The following KRT8 variants were observed in gnomAD, a reference collection of about 807,000 sequenced individuals.
KRT8 encodes keratin, type II cytoskeletal 8.
In KRT8, 24 loss-of-function variants were observed where a neutral mutation model predicts 43.0. The observed-to-expected ratio is 0.56, with a 90% CI of 0.40 to 0.78. The LOEUF (loss-of-function observed/expected upper bound fraction) is 0.78. Ranked by LOEUF, KRT8 falls within the 30% of genes least tolerant of loss-of-function variation. KRT8 has a pLI of 0.00. For missense variants in KRT8, 492 were observed against 638.4 expected, an observed-to-expected ratio of 0.77 and a Z score of 2.47; for synonymous variants, 214 against 261.2, an observed-to-expected ratio of 0.82 and a Z score of 1.74.
At chr12:52,913,801 A>T (rs1941681442) in intron 2 of KRT8, among the ~76,000 whole-genome samples, 1 of 152,218 alleles carries the variant, frequency 6.6e-6, no homozygotes, top group South Asian at 2.1e-4. Flanking sequence ...CGAACGTCAC[A>T]CACATACCTG....
At chr12:52,942,661 T>G (rs1321056291) in intron 2 of KRT8, among the ~76,000 whole-genome samples, 1 of 152,166 alleles carries the variant, frequency 6.6e-6, no homozygotes, top group Non-Finnish European at 1.5e-5. Flanking sequence ...AAGGCTTCTT[T>G]GTCCCTGAGC....
intron 2 of KRT8, among the ~76,000 whole-genome samples, chr12:52,937,847 A>C (rs953916992): frequency 3.3e-5 from 5 of 150,980 alleles, no homozygotes; most frequent in African/African-American, 1.2e-4. Context: ...AAATACAAAA[A>C]AATGTAGCCT....
intron 2 of KRT8, chr12:52,926,332 G>GGCCCCCCCCCCCC: frequency 5.0e-6 from 3 of 600,260 alleles, no homozygotes; most frequent in Non-Finnish European, 9.1e-6. Context: ...GGCACTAGCT[G>GGCCCCCCCCCCCC]CCCTCCCCAC....
upstream of KRT8, chr12:52,906,991 TACAC>T (rs112479898): frequency 7.1e-4 from 207 of 291,768 alleles, no homozygotes; most frequent in Middle Eastern, 1.2e-3. Flanking sequence ...CACGCGTGCA[TACAC>T]ACACACACAC....
chr12:52,925,525 C>T (rs1433546369), intron 2 of KRT8, among the ~76,000 whole-genome samples: 1 of 152,112 alleles, frequency 6.6e-6, no homozygotes, highest in Non-Finnish European at 1.5e-5. Flanking sequence ...CTGGCCTTGC[C>T]CCATTGATAC....
chr12:52,910,509 C>T (rs1941613686), upstream of KRT8, among the ~76,000 whole-genome samples: 2 of 152,210 alleles, frequency 1.3e-5, no homozygotes, highest in South Asian at 4.1e-4. Flanking sequence ...CCACCGTTGG[C>T]CAGGGCCACA....
Position 52,900,692 on chromosome 12 carries a change from T to G in KRT8, c.595-9A>C, listed in dbSNP as rs188573340. ...TAAGCTTCATCCACATCCTGGGGGA[T>G]GAGGAGAGGGGAGCCTGAGCTGGGT... is the stretch of plus-strand genomic sequence containing the variant. On this transcript the variant is annotated splice_polypyrimidine_tract_variant and intron_variant, in intron 3 of 7. Coordinates refer to ENST00000692008, the Ensembl canonical transcript of KRT8. 1,495 of 1,601,958 alleles carry G rather than the reference T, an allele frequency of 9.3e-4. 1 individual carries two copies. Among genetic ancestry groups the G allele is most frequent in the Non-Finnish European group, 6.1e-4 (711 of 1,171,044 alleles).
intron 2 of KRT8, among the ~76,000 whole-genome samples, chr12:52,912,441 T>C (rs1237430338): frequency 6.6e-6 from 1 of 152,192 alleles, no homozygotes; most frequent in African/African-American, 2.4e-5. Context: ...CCCACAACTC[T>C]TGGGGTTGGA....
chr12:52,898,788 G>C (rs1297924535), exon 6 of KRT8: 1 of 1,614,246 alleles, frequency 6.2e-7, no homozygotes, highest in Non-Finnish European at 8.5e-7. Flanking sequence ...GCCATGTCCT[G>C]CTTGGCCCGC....
chr12:52,946,879 G>A (rs1942352613), intron 2 of KRT8: 1 of 152,234 alleles, frequency 6.6e-6, no homozygotes, highest in Non-Finnish European at 1.5e-5. Context: ...AGCACTGTGG[G>A]GCTCTCCCCA....
chr12:52,942,655 C>T (rs964326484), intron 2 of KRT8, among the ~76,000 whole-genome samples: 2 of 152,134 alleles, frequency 1.3e-5, no homozygotes, highest in Non-Finnish European at 2.9e-5. Flanking sequence ...TGTTTTAAGG[C>T]TTCTTTGTCC....
At chr12:52,944,824 G>A (rs966937196) in intron 2 of KRT8, among the ~76,000 whole-genome samples, 15 of 152,114 alleles carry the variant, frequency 9.9e-5, no homozygotes, top group African/African-American at 2.4e-4. Context: ...CTGAGAACCC[G>A]TTCCCACCTC....
chr12:52,932,051 C>T (rs1942093428), intron 2 of KRT8, among the ~76,000 whole-genome samples: 1 of 151,690 alleles, frequency 6.6e-6, no homozygotes. Flanking sequence ...CCCGCCTCTG[C>T]TTCCCAAATT....
intron 2 of KRT8, among the ~76,000 whole-genome samples, chr12:52,939,738 A>G (rs1242378386): frequency 1.3e-5 from 2 of 152,026 alleles, no homozygotes; most frequent in African/African-American, 4.8e-5. Flanking sequence ...AAAAAAAAGA[A>G]AAAAAGGAAG....
upstream of KRT8, chr12:52,905,118 G>A (rs879544502): frequency 1.3e-5 from 19 of 1,439,568 alleles, no homozygotes; most frequent in Non-Finnish European, 1.6e-5. Context: ...GGATGGGGGG[G>A]AAAGGCCTCG....
intron 2 of KRT8, among the ~76,000 whole-genome samples, chr12:52,943,413 T>C (rs1942296868): frequency 6.6e-6 from 1 of 152,170 alleles, no homozygotes; most frequent in Non-Finnish European, 1.5e-5. Context: ...TGACGTCCTC[T>C]CTCCTGGTCT....
intron 1 of KRT8, chr12:52,902,339 A>C: frequency 2.0e-6 from 1 of 494,932 alleles, no homozygotes; most frequent in Non-Finnish European, 3.7e-6. Flanking sequence ...TTGCAAACCA[A>C]TAGGCCTAAC....
chr12:52,915,435 C>A (rs1408419499), intron 2 of KRT8, among the ~76,000 whole-genome samples: 5 of 150,874 alleles, frequency 3.3e-5, no homozygotes, highest in Non-Finnish European at 7.4e-5. Context: ...GGGCCAGGAA[C>A]CATGCCTCAC....
chr12:52,898,415 C>T, intron 7 of KRT8, 46 bp downstream of exon 7: 2 of 1,569,682 alleles, frequency 1.3e-6, no homozygotes, highest in South Asian at 1.1e-5. Flanking sequence ...TGAGGCCTCC[C>T]TGGGCCCTGC....
Sources: allele counts gnomAD v4.1 joint callset (sites outside exome capture counted in the v4.1 genomes callset), GRCh38; gene constraint gnomAD v4.1.1; transcripts MANE v1.5; gene names NCBI Gene and HGNC (gene_info 2026-07-23, HGNC 2026-07-21).